The following LHFPL6 variants were observed in gnomAD, a reference collection of about 807,000 sequenced individuals.
The protein encoded by LHFPL6 is LHFPL tetraspan subfamily member 6, also known as LHFPL tetraspan subfamily member 6 protein.
Under a neutral mutation model 20.6 loss-of-function variants are expected in LHFPL6, and 9 were observed. The ratio of observed to expected loss-of-function variants is 0.44; its 90% CI spans 0.26 to 0.76. The LOEUF is 0.76. Among genes scored for constraint, LHFPL6 ranks in the 30% least tolerant of loss-of-function variants. The pLI, the probability that LHFPL6 is intolerant of heterozygous loss-of-function variation, is 0.20. For missense variants in LHFPL6, 218 were observed against 253.5 expected, an observed-to-expected ratio of 0.86 and a Z score of 0.95; for synonymous variants, 105 against 98.7, an observed-to-expected ratio of 1.06 and a Z score of -0.38.
chr13:39,469,355 C>T (rs1184668669), intron 2 of LHFPL6, among the ~76,000 whole-genome samples: 3 of 152,222 alleles, frequency 2.0e-5, no homozygotes, highest in Non-Finnish European at 4.4e-5. Flanking sequence ...CCCACCACCA[C>T]GCACTTTCCC....
chr13:39,344,106 C>T, intron 3 of LHFPL6, 52 bp from the exon 4 acceptor site: 1 of 1,483,504 alleles, frequency 6.7e-7, no homozygotes, highest in Non-Finnish European at 9.3e-7. Context: ...GATGATTTTG[C>T]AGCAGGGTTT....
chr13:39,379,714 T>G (rs908285719), intron 2 of LHFPL6, among the ~76,000 whole-genome samples: 1 of 152,204 alleles, frequency 6.6e-6, no homozygotes, highest in African/African-American at 2.4e-5. Context: ...TTTCCATCCC[T>G]GTCCTCAACT....
chr13:39,395,743 G>C (rs1356223251), intron 2 of LHFPL6, among the ~76,000 whole-genome samples: 1 of 152,176 alleles, frequency 6.6e-6, no homozygotes, highest in Non-Finnish European at 1.5e-5. Context: ...CTTTATGAAA[G>C]GAGGAAGTCA....
chr13:39,345,987 G>C (rs1297203142), intron 3 of LHFPL6, among the ~76,000 whole-genome samples: 1 of 152,142 alleles, frequency 6.6e-6, no homozygotes. Context: ...CCTGTGGGGT[G>C]GGGTTTGCAT....
intron 3 of LHFPL6, among the ~76,000 whole-genome samples, chr13:39,371,979 C>T (rs909756468): frequency 4.6e-5 from 7 of 152,198 alleles, no homozygotes; most frequent in Non-Finnish European, 1.0e-4. Flanking sequence ...GGAGAACTAA[C>T]GTCAAAATGA....
At chr13:39,449,421 T>G (rs1256336743) in intron 2 of LHFPL6, among the ~76,000 whole-genome samples, 3 of 152,198 alleles carry the variant, frequency 2.0e-5, no homozygotes, top group Non-Finnish European at 2.9e-5. Context: ...TAAGAAAATA[T>G]GAAAAAGTAG....
chr13:39,531,608 A>G (rs1441537762), intron 2 of LHFPL6, among the ~76,000 whole-genome samples: 1 of 152,134 alleles, frequency 6.6e-6, no homozygotes, highest in Admixed American at 6.5e-5. Flanking sequence ...TTAGGTTGTA[A>G]AAGCTCCTCA....
intron 2 of LHFPL6, among the ~76,000 whole-genome samples, chr13:39,540,597 C>A (rs1870766023): frequency 6.6e-6 from 1 of 152,058 alleles, no homozygotes; most frequent in Non-Finnish European, 1.5e-5. Context: ...AATCTGCTTA[C>A]CATAACAAGT....
chr13:39,354,606 A>G (rs1869679093), intron 3 of LHFPL6, among the ~76,000 whole-genome samples: 1 of 152,198 alleles, frequency 6.6e-6, no homozygotes, highest in Non-Finnish European at 1.5e-5. Context: ...AACAAGATTC[A>G]GCAGAAAGTT....
intron 2 of LHFPL6, among the ~76,000 whole-genome samples, chr13:39,382,316 C>CT (rs1870463007): frequency 1.3e-5 from 2 of 152,210 alleles, no homozygotes; most frequent in African/African-American, 4.8e-5. Flanking sequence ...TCCCACCAAA[C>CT]TTTGTCTCTT....
intron 2 of LHFPL6, among the ~76,000 whole-genome samples, chr13:39,480,386 T>C (rs9315689): frequency 0.13 from 20,146 of 152,198 alleles, 2,719 homozygotes; most frequent in African/African-American, 0.34. Flanking sequence ...GTATAGTTCA[T>C]AGAGAGCATC....
chr13:39,441,752 A>G (rs940901994), intron 2 of LHFPL6, among the ~76,000 whole-genome samples: 1 of 151,486 alleles, frequency 6.6e-6, no homozygotes, highest in Non-Finnish European at 1.5e-5. Context: ...GGCTCAAGCA[A>G]TCTGCCTGAT....
At chr13:39,369,851 G>T (rs1375605475) in intron 3 of LHFPL6, among the ~76,000 whole-genome samples, 1 of 151,988 alleles carries the variant, frequency 6.6e-6, no homozygotes, top group African/African-American at 2.4e-5. Flanking sequence ...TATCCCACAG[G>T]TTCATCTGGG....
intron 2 of LHFPL6, among the ~76,000 whole-genome samples, chr13:39,464,716 T>TC (rs397970766): frequency 4.1e-4 from 60 of 145,580 alleles, no homozygotes; most frequent in African/African-American, 1.5e-3. Context: ...TTTTTTTTTT[T>TC]GTCTGACCTA....
intron 2 of LHFPL6, among the ~76,000 whole-genome samples, chr13:39,467,681 T>C (rs1031471947): frequency 1.3e-5 from 2 of 152,176 alleles, no homozygotes; most frequent in Admixed American, 1.3e-4. Context: ...AGGAAGAGAC[T>C]AAAAATTAAA....
chr13:39,438,789 T>A (rs1000064772), intron 2 of LHFPL6, among the ~76,000 whole-genome samples: 1 of 152,224 alleles, frequency 6.6e-6, no homozygotes, highest in Non-Finnish European at 1.5e-5. Flanking sequence ...GCAACTTCCA[T>A]ATGGTATTAA....
rs9532374 is a variant in LHFPL6, at chr13:39,368,441, G to A, written c.484+9987C>T. Among the ~76,000 whole-genome samples the A allele has an allele frequency of 1.7e-3, 256 of 151,972 alleles. 1 individual carries two copies. Among genetic ancestry groups the A allele is most frequent in the African/African-American group, 6.0e-3 (248 of 41,438 alleles). ...TATTAAAAATACAAAAATTAGCTGG[G>A]TCTGGTGGTGCACGCCTGTAGTCCC... On this transcript the variant is annotated intron_variant, in intron 3 of 3. Coordinates refer to ENST00000379589, the MANE Select transcript of LHFPL6 (RefSeq NM_005780.3).
chr13:39,600,944 C>T lies in LHFPL6; in HGVS notation c.273G>A (p.Leu91=). 1 of 1,607,922 alleles carries T rather than the reference C, an allele frequency of 6.2e-7. No individual in the cohort carries two copies. The highest frequency in any genetic ancestry group is 8.5e-7 in the Non-Finnish European group (1 of 1,175,842). The change falls in exon 2 of 4, where the codon CTG becomes CTA. Residue 91 remains leucine, a synonymous_variant. Transcript: ENST00000379589. ...CCACCAGGAGGAGGAGGCCACAACC[C>T]AGGCCGGTCACTATGGTGCAGATCC... ...EWRICTIVTG[L]GCGLLLLVAL...
chr13:39,547,851 A>G (rs1435375279), intron 2 of LHFPL6, among the ~76,000 whole-genome samples: 2 of 152,146 alleles, frequency 1.3e-5, no homozygotes, highest in African/African-American at 2.4e-5. Flanking sequence ...ATGTATTTAA[A>G]TGATCAGAAT....
Sources: gnomAD v4.1 joint callset for allele counts (sites outside exome capture counted in the v4.1 genomes callset) on GRCh38, gnomAD v4.1.1 for gene constraint, MANE v1.5 for transcripts, NCBI Gene and HGNC (gene_info 2026-07-23, HGNC 2026-07-21) for gene names.